KIF26B: variants seen among roughly 807,000 people sequenced by gnomAD.
The protein encoded by KIF26B is kinesin-like protein KIF26B.
KIF26B carries 63 observed loss-of-function variants against 151.2 expected under a neutral mutation model. That is an observed-to-expected ratio of 0.42 (90% confidence interval 0.34 to 0.51). The LOEUF (loss-of-function observed/expected upper bound fraction) is 0.51. Ranked by LOEUF, KIF26B falls within the 20% of genes least tolerant of loss-of-function variation. The probability of loss-of-function intolerance (pLI) is 0.07; values close to 1 mark genes in which losing one functional copy is unlikely to be tolerated. For synonymous variants in KIF26B, 1,357 were observed against 1,262.1 expected, an observed-to-expected ratio of 1.08 and a Z score of -1.59; for missense variants, 2,813 against 2,913.6, an observed-to-expected ratio of 0.97 and a Z score of 0.79.
chr1:245,344,020 A>C (rs1672388059), intron 2 of KIF26B, among the ~76,000 whole-genome samples: 1 of 151,942 alleles, frequency 6.6e-6, no homozygotes, highest in South Asian at 2.1e-4. Context: ...TGGCCTTGCT[A>C]TGCTTTAACT....
At chr1:245,156,928 C>T (rs1326719986) in intron 2 of KIF26B, among the ~76,000 whole-genome samples, 1 of 152,212 alleles carries the variant, frequency 6.6e-6, no homozygotes, top group Admixed American at 6.5e-5. Context: ...CCCGTGGCCA[C>T]AGGCCTCACG....
chr1:245,505,049 C>G (rs1232896013), intron 4 of KIF26B, among the ~76,000 whole-genome samples: 1 of 151,700 alleles, frequency 6.6e-6, no homozygotes, highest in Non-Finnish European at 1.5e-5. Flanking sequence ...AGCGATTCTC[C>G]TGGCTCAGCC....
At chr1:245,402,157 A>G (rs891738450) in intron 3 of KIF26B, among the ~76,000 whole-genome samples, 2 of 152,184 alleles carry the variant, frequency 1.3e-5, no homozygotes, top group Admixed American at 1.3e-4. Flanking sequence ...GCTGTGGAGT[A>G]TTCTAATTTA....
At chr1:245,284,028 C>A (rs138832664) in intron 2 of KIF26B, among the ~76,000 whole-genome samples, 1 of 152,306 alleles carries the variant, frequency 6.6e-6, no homozygotes, top group Non-Finnish European at 1.5e-5. Flanking sequence ...CTACGCAATG[C>A]GGCTTCCCTC....
rs564995372 is a variant in KIF26B, at chr1:245,389,411, C to T, written c.999+22044C>T. ...TACAGGCGTGAGCCACCACTCCTGG[C>T]CAAAAAAAAAAAGCCCATTTTCCAT... On this transcript the variant is annotated intron_variant, in intron 3 of 14. Transcript: ENST00000407071. Among the ~76,000 whole-genome samples the T allele has an allele frequency of 4.7e-5, 7 of 149,792 alleles. No individual in the cohort carries two copies. In the South Asian group the frequency reaches 8.5e-4, roughly 18 times the overall value.
At chr1:245,312,724 A>C (rs529860973) in intron 2 of KIF26B, among the ~76,000 whole-genome samples, 1 of 152,340 alleles carries the variant, frequency 6.6e-6, no homozygotes, top group African/African-American at 2.4e-5. Context: ...GGTGGGTTGC[A>C]GAGTCAGTTC....
At chr1:245,162,379 T>A (rs1668546696) in intron 2 of KIF26B, among the ~76,000 whole-genome samples, 4 of 6,736 alleles carry the variant, frequency 5.9e-4, no homozygotes, top group South Asian at 0.019. Flanking sequence ...AAATATCTTT[T>A]TTTTTTTTTT....
chr1:245,437,999 C>T (rs1055142426), intron 4 of KIF26B, among the ~76,000 whole-genome samples: 2 of 152,172 alleles, frequency 1.3e-5, no homozygotes, highest in Admixed American at 6.5e-5. Flanking sequence ...TCTCCTCTCT[C>T]GTTTTATTTT....
chr1:245,439,366 A>G (rs1278954380), intron 4 of KIF26B, among the ~76,000 whole-genome samples: 3 of 151,976 alleles, frequency 2.0e-5, no homozygotes, highest in Admixed American at 6.6e-5. Context: ...AAAAAAAAGA[A>G]AAAAGAAAGG....
chr1:245,295,997 T>G (rs1202497519), intron 2 of KIF26B, among the ~76,000 whole-genome samples: 1 of 152,210 alleles, frequency 6.6e-6, no homozygotes, highest in East Asian at 1.9e-4. Context: ...TATTCATCTT[T>G]GTACCTCCTG....
At chr1:245,459,486 T>C (rs1007628904) in intron 4 of KIF26B, among the ~76,000 whole-genome samples, 5 of 152,216 alleles carry the variant, frequency 3.3e-5, no homozygotes, top group African/African-American at 1.2e-4. Context: ...TTCAGCCTTA[T>C]CTATTTTGTA....
intron 4 of KIF26B, among the ~76,000 whole-genome samples, chr1:245,436,893 T>C (rs1025049586): frequency 7.0e-5 from 10 of 142,744 alleles, no homozygotes; most frequent in Non-Finnish European, 1.6e-4. Context: ...TCCCTCTCTT[T>C]TTTTTTTTTT....
At chr1:245,200,523 A>T (rs1333897915) in intron 2 of KIF26B, among the ~76,000 whole-genome samples, 1 of 152,224 alleles carries the variant, frequency 6.6e-6, no homozygotes, top group African/African-American at 2.4e-5. Flanking sequence ...GGAAATGTAC[A>T]TGTATACTCA....
intron 9 of KIF26B, among the ~76,000 whole-genome samples, chr1:245,626,595 G>A (rs916775643): frequency 3.3e-5 from 5 of 151,876 alleles, no homozygotes; most frequent in African/African-American, 1.2e-4. Flanking sequence ...GGGTTTGTTT[G>A]GGTTTTTTGC....
intron 4 of KIF26B, among the ~76,000 whole-genome samples, chr1:245,539,928 C>T (rs1268028309): frequency 6.6e-6 from 1 of 152,178 alleles, no homozygotes; most frequent in Non-Finnish European, 1.5e-5. Context: ...GCTGGGATTA[C>T]AGGTGTGAGC....
At chr1:245,434,010 T>C (rs1364232540) in intron 4 of KIF26B, among the ~76,000 whole-genome samples, 1 of 152,064 alleles carries the variant, frequency 6.6e-6, no homozygotes, top group Admixed American at 6.5e-5. Context: ...AATGAACAAA[T>C]ATAAACCATT....
chr1:245,473,153 A>T (rs944586259), intron 4 of KIF26B, among the ~76,000 whole-genome samples: 1 of 152,236 alleles, frequency 6.6e-6, no homozygotes, highest in African/African-American at 2.4e-5. Context: ...CAAGAGTAAG[A>T]GAATAAGCTG....
intron 4 of KIF26B, among the ~76,000 whole-genome samples, chr1:245,464,847 A>G (rs1659743580): frequency 6.6e-6 from 1 of 152,106 alleles, no homozygotes; most frequent in Non-Finnish European, 1.5e-5. Flanking sequence ...ATCAATTGTG[A>G]GCAGAGAGCA....
chr1:245,500,410 T>C (rs1660596956), intron 4 of KIF26B, among the ~76,000 whole-genome samples: 1 of 152,254 alleles, frequency 6.6e-6, no homozygotes, highest in Non-Finnish European at 1.5e-5. Flanking sequence ...CAACACACAT[T>C]CCAAGTTTTG....
Sources: gnomAD v4.1 joint callset for allele counts (sites outside exome capture counted in the v4.1 genomes callset) on GRCh38, gnomAD v4.1.1 for gene constraint, MANE v1.5 for transcripts, NCBI Gene and HGNC (gene_info 2026-07-23, HGNC 2026-07-21) for gene names.